The following NDUFB2 variants were observed in gnomAD, a reference collection of about 807,000 sequenced individuals.
The protein encoded by NDUFB2 is NADH:ubiquinone oxidoreductase subunit B2.
Under a neutral mutation model 13.4 loss-of-function variants are expected in NDUFB2, and 13 were observed. The observed-to-expected ratio is 0.97, with a 90% CI of 0.63 to 1.54. The LOEUF is 1.54. Among genes scored for constraint, NDUFB2 ranks in the 40% most tolerant of loss-of-function variants. NDUFB2 has a pLI of 0.00. For missense variants in NDUFB2, 150 were observed against 139.7 expected, an observed-to-expected ratio of 1.07 and a Z score of -0.37; for synonymous variants, 47 against 50.6, an observed-to-expected ratio of 0.93 and a Z score of 0.30.
At chr7:140,703,949 G>A (rs1030351018) in intron 2 of NDUFB2, among the ~76,000 whole-genome samples, 2 of 151,902 alleles carry the variant, frequency 1.3e-5, no homozygotes, top group African/African-American at 4.8e-5. Context: ...TAGAGACGGG[G>A]TTTCACCGTG....
intron 3 of NDUFB2, 115 bp downstream of exon 3, chr7:140,705,078 G>T: frequency 2.1e-6 from 1 of 483,308 alleles, no homozygotes; most frequent in Middle Eastern, 3.9e-4. Flanking sequence ...GCATGAAGTT[G>T]AGTTAACCAT....
At chr7:140,698,233 G>A in intron 1 of NDUFB2, 1 of 1,351,912 alleles carries the variant, frequency 7.4e-7, no homozygotes, top group Non-Finnish European at 9.8e-7. Flanking sequence ...CCTTGGTCCT[G>A]CATGAGGAGA....
chr7:140,696,811 G>T lies in NDUFB2; in HGVS notation c.67G>T (p.Ala23Ser). The change falls in exon 1 of 4, where the codon GCA becomes TCA. Residue 23 changes from alanine (A) to serine (S), a missense_variant. Transcript: ENST00000247866. ...VGGRLFRSGCARTAGDGGVRH... is the reference protein window; with the variant it reads ...VGGRLFRSGCSRTAGDGGVRH... ...AGGCCGCCTTTTCAGAAGCGGCTGC[G>T]CACGGACTGCTGGAGATGGTGGAGT... 6.2e-7 allele frequency: 1 copy of T among 1,609,068 alleles called. No homozygotes were observed. Among genetic ancestry groups the T allele is most frequent in the Non-Finnish European group, 8.5e-7 (1 of 1,178,034 alleles).
intron 1 of NDUFB2, chr7:140,702,012 G>A (rs1794905282): frequency 4.3e-6 from 3 of 701,564 alleles, no homozygotes; most frequent in Non-Finnish European, 7.8e-6. Context: ...TCACGAATCT[G>A]TGCATTATGA....
intron 2 of NDUFB2, among the ~76,000 whole-genome samples, chr7:140,704,306 G>T (rs1400454349): frequency 6.6e-6 from 1 of 152,148 alleles, no homozygotes; most frequent in Non-Finnish European, 1.5e-5. Flanking sequence ...TTGTCCTTCA[G>T]TAAGGAGCTG....
chr7:140,699,346 T>C (rs1794864946), intron 1 of NDUFB2, among the ~76,000 whole-genome samples: 1 of 152,130 alleles, frequency 6.6e-6, no homozygotes, highest in Non-Finnish European at 1.5e-5. Flanking sequence ...CTTGAGCTTG[T>C]TTTCCCTGGA....
At chr7:140,705,087 A>C in intron 3 of NDUFB2, 124 bp downstream of exon 3, 2 of 457,048 alleles carry the variant, frequency 4.4e-6, no homozygotes, top group Non-Finnish European at 7.5e-6. Flanking sequence ...TGAGTTAACC[A>C]TGTCCTGTAT....
intron 1 of NDUFB2, chr7:140,697,249 G>A (rs1166790015): frequency 1.4e-6 from 1 of 695,122 alleles, no homozygotes; most frequent in African/African-American, 1.7e-5. Flanking sequence ...CGCGGTCCAG[G>A]GTCCCGGTGC....
intron 1 of NDUFB2, chr7:140,700,981 A>G (rs527811975): frequency 6.6e-6 from 1 of 152,328 alleles, no homozygotes; most frequent in East Asian, 1.9e-4. Flanking sequence ...TAAACATGAT[A>G]CTTAAAAAAG....
intron 1 of NDUFB2, among the ~76,000 whole-genome samples, chr7:140,701,598 CCACTGCACT>C (rs1794898178): frequency 6.6e-6 from 1 of 151,154 alleles, no homozygotes; most frequent in Admixed American, 6.6e-5. Flanking sequence ...TAAGGTCACG[CCACTGCACT>C]CTAGCCTGGG....
At chr7:140,697,462 C>T (rs970042738) in intron 1 of NDUFB2, 1 of 697,202 alleles carries the variant, frequency 1.4e-6, no homozygotes, top group Admixed American at 2.0e-5. Context: ...CAGGCAGAGC[C>T]GCCCGCGAGG....
In NDUFB2 at chr7:140,703,115, C is replaced by T. The variant is rs986656846; in HGVS notation, c.243+105C>T. 75 of 1,388,272 alleles carry T rather than the reference C, an allele frequency of 5.4e-5. 1 individual carries two copies. The highest frequency in any genetic ancestry group is 4.5e-4 in the South Asian group (33 of 73,334). 86.0% of individuals were successfully genotyped at this position (1,388,272 alleles called of 1,614,324 possible). On this transcript the variant is annotated intron_variant, in intron 2 of 3. Transcript: ENST00000247866. ...GTAGACCATTTTTCTGTCTGGACAT[C>T]GCCCTTTGCCACCACTTTTTCCATA...
At chr7:140,696,870 T>G in intron 1 of NDUFB2, 28 bp downstream of exon 1, 1 of 1,574,466 alleles carries the variant, frequency 6.4e-7, no homozygotes, top group South Asian at 1.2e-5. Context: ...GATGGGGGCC[T>G]CGCCGGCCTG....
intron 2 of NDUFB2, among the ~76,000 whole-genome samples, chr7:140,703,973 TCTCGATCTCCTGAC>T (rs1794932429): frequency 6.6e-6 from 1 of 151,964 alleles, no homozygotes; most frequent in Admixed American, 6.6e-5. Context: ...GCCAGGATGG[TCTCGATCTCCTGAC>T]CTCATGATCC....
rs575269842 is a variant in NDUFB2, at chr7:140,698,834, G to T, written c.98+1992G>T. ...GGGAGCCATTGGAGTTTTAAAGCAGGAAAGTAATGTGGTCTGATTTATTTT... is the reference window on the plus strand; with the variant it reads ...GGGAGCCATTGGAGTTTTAAAGCAGTAAAGTAATGTGGTCTGATTTATTTT... On this transcript the variant is annotated intron_variant, in intron 1 of 3. Transcript: ENST00000247866. 3.9e-5 allele frequency among the ~76,000 whole-genome samples: 6 copies of T among 152,258 alleles called. No homozygotes were observed. In the South Asian group the frequency reaches 8.3e-4, roughly 21 times the overall value.
At chr7:140,700,351 G>A (rs1032878202) in intron 1 of NDUFB2, 6 of 150,902 alleles carry the variant, frequency 4.0e-5, no homozygotes, top group Admixed American at 1.3e-4. Flanking sequence ...TCGAACTCCC[G>A]ACCTCAGGTG....
chr7:140,702,909 C>A lies in NDUFB2; in HGVS notation c.142C>A (p.Pro48Thr). 2 of 1,614,026 alleles carry A rather than the reference C, an allele frequency of 1.2e-6. No homozygotes were observed. Among genetic ancestry groups the A allele is most frequent in the Non-Finnish European group, 1.7e-6 (2 of 1,180,026 alleles). The change falls in exon 2 of 4, where the codon CCC (proline) becomes ACC (threonine). Residue 48 changes from proline (P) to threonine (T), a missense_variant. By Grantham distance (38) the Pro-to-Thr change is conservative. Coordinates refer to ENST00000247866, the MANE Select transcript of NDUFB2 (RefSeq NM_004546.3). ...CATTGAGCCCCGGTATAGACAGTTC[C>A]CCCAGCTGACCAGATCCCAGGTGTT... ...VHIEPRYRQF[P>T]QLTRSQVFQS... is the part of the protein sequence containing the mutation.
At chr7:140,698,175 C>A (rs771233038) in intron 1 of NDUFB2, 2 of 1,352,012 alleles carry the variant, frequency 1.5e-6, no homozygotes, top group East Asian at 9.1e-5. Context: ...AAGGCAAAGC[C>A]CTGTGTGACT....
chr7:140,704,806 G>C (rs1017999971), intron 2 of NDUFB2, 54 bp from the exon 3 acceptor site: 8 of 1,117,334 alleles, frequency 7.2e-6, no homozygotes, highest in Admixed American at 2.5e-5. Context: ...AATTTAATTA[G>C]TTGCACAGAA....
Sources: gnomAD v4.1 joint callset for allele counts (sites outside exome capture counted in the v4.1 genomes callset) on GRCh38, gnomAD v4.1.1 for gene constraint, MANE v1.5 for transcripts, NCBI Gene and HGNC (gene_info 2026-07-23, HGNC 2026-07-21) for gene names.